The following GRM8 variants were observed in gnomAD, a reference collection of about 807,000 sequenced individuals.
GRM8 encodes metabotropic glutamate receptor 8.
Under a neutral mutation model 87.2 loss-of-function variants are expected in GRM8, and 47 were observed. The ratio of observed to expected loss-of-function variants is 0.54; its 90% CI spans 0.43 to 0.69. The LOEUF is 0.69. Among genes scored for constraint, GRM8 ranks in the 30% least tolerant of loss-of-function variants. GRM8 has a pLI of 0.00. For synonymous variants in GRM8, 396 were observed against 404.5 expected (o/e 0.98, Z 0.25); for missense variants, 1,019 against 1,139.2 (o/e 0.89, Z 1.52).
chr7:126,918,177 G>T (rs558360149), intron 3 of GRM8, among the ~76,000 whole-genome samples: 2 of 152,254 alleles, frequency 1.3e-5, no homozygotes, highest in African/African-American at 4.8e-5. Flanking sequence ...TCTTGCCAGC[G>T]GCCTTGGAAT....
At chr7:126,805,383 C>A (rs988349345) in intron 6 of GRM8, among the ~76,000 whole-genome samples, 8 of 152,226 alleles carry the variant, frequency 5.3e-5, no homozygotes, top group Admixed American at 4.6e-4. Flanking sequence ...GCTTCCGCAT[C>A]CCCCTGCCTG....
At chr7:126,755,899 G>A (rs943472549) in intron 7 of GRM8, among the ~76,000 whole-genome samples, 1 of 151,864 alleles carries the variant, frequency 6.6e-6, no homozygotes, top group African/African-American at 2.4e-5. Context: ...GATTAATCAG[G>A]TGCTCAACAG....
intron 9 of GRM8, among the ~76,000 whole-genome samples, chr7:126,452,545 A>C (rs1190206875): frequency 6.6e-6 from 1 of 151,272 alleles, no homozygotes; most frequent in African/African-American, 2.4e-5. Context: ...TAACTCATGT[A>C]TTTCCAAGAA....
chr7:126,582,995 A>G (rs142148704), intron 8 of GRM8, among the ~76,000 whole-genome samples: 26 of 152,324 alleles, frequency 1.7e-4, no homozygotes, highest in African/African-American at 5.1e-4. Flanking sequence ...ATGCCTGAAT[A>G]TACAACATCC....
At chr7:126,941,904 A>G (rs144999086) in intron 3 of GRM8, among the ~76,000 whole-genome samples, 33 of 152,242 alleles carry the variant, frequency 2.2e-4, no homozygotes, top group African/African-American at 8.0e-4. Flanking sequence ...CCAAATATAT[A>G]GGATAACCAG....
intron 8 of GRM8, among the ~76,000 whole-genome samples, chr7:126,605,125 C>T (rs1294797620): frequency 3.3e-5 from 5 of 152,150 alleles, no homozygotes; most frequent in African/African-American, 9.7e-5. Flanking sequence ...CCCCAGTACA[C>T]GTTCTCCCTG....
chr7:127,048,249 A>G (rs1441401101), intron 3 of GRM8, among the ~76,000 whole-genome samples: 1 of 152,234 alleles, frequency 6.6e-6, no homozygotes, highest in Non-Finnish European at 1.5e-5. Flanking sequence ...CAATGAGAGC[A>G]TGAACCCCCA....
chr7:126,962,867 T>C (rs1282901334), intron 3 of GRM8, among the ~76,000 whole-genome samples: 1 of 152,190 alleles, frequency 6.6e-6, no homozygotes, highest in Admixed American at 6.5e-5. Flanking sequence ...GAAACTAAGT[T>C]TTGTGCTTAG....
At chr7:127,007,435 A>G (rs1814429152) in intron 3 of GRM8, among the ~76,000 whole-genome samples, 1 of 151,998 alleles carries the variant, frequency 6.6e-6, no homozygotes, top group South Asian at 2.1e-4. Context: ...GTTACCCCTT[A>G]GGGAAAAATC....
intron 3 of GRM8, among the ~76,000 whole-genome samples, chr7:127,099,532 C>A (rs931725723): frequency 6.6e-6 from 1 of 152,278 alleles, no homozygotes; most frequent in East Asian, 1.9e-4. Context: ...CCATCACTTA[C>A]CCCAGTCTGG....
chr7:126,476,916 C>A (rs1242471056), intron 9 of GRM8, among the ~76,000 whole-genome samples: 2 of 152,018 alleles, frequency 1.3e-5, no homozygotes, highest in Non-Finnish European at 2.9e-5. Flanking sequence ...AAATCAGTAT[C>A]TCAAGGAGAT....
At chr7:126,906,577 T>C (rs1321606379) in intron 3 of GRM8, among the ~76,000 whole-genome samples, 2 of 152,208 alleles carry the variant, frequency 1.3e-5, no homozygotes, top group Non-Finnish European at 2.9e-5. Flanking sequence ...ATTAGGTTCA[T>C]CAGCAGGAGA....
chr7:126,496,988 C>G (rs1395689208), intron 9 of GRM8, among the ~76,000 whole-genome samples: 1 of 73,768 alleles, frequency 1.4e-5, no homozygotes, highest in Non-Finnish European at 3.1e-5. Context: ...TTTTTTTTTG[C>G]TGCTGCTGTG....
chr7:126,887,369 G>C (rs1330640072), intron 6 of GRM8, among the ~76,000 whole-genome samples: 3 of 152,120 alleles, frequency 2.0e-5, no homozygotes, highest in Admixed American at 2.0e-4. Flanking sequence ...AGCAGTCAAG[G>C]AAAAAGATTT....
intron 2 of GRM8, among the ~76,000 whole-genome samples, chr7:127,121,831 C>A (rs1332363647): frequency 6.6e-6 from 1 of 152,152 alleles, no homozygotes; most frequent in Admixed American, 6.6e-5. Context: ...GATCCACTCA[C>A]CTCCTACCAG....
intron 3 of GRM8, among the ~76,000 whole-genome samples, chr7:126,972,906 T>G (rs188990480): frequency 3.3e-5 from 5 of 152,318 alleles, no homozygotes; most frequent in Admixed American, 6.5e-5. Flanking sequence ...GAACTATAAT[T>G]AAAGCACATT....
chr7:126,719,362 G>A (rs1812117975), intron 7 of GRM8, among the ~76,000 whole-genome samples: 1 of 152,088 alleles, frequency 6.6e-6, no homozygotes, highest in Non-Finnish European at 1.5e-5. Flanking sequence ...TACATTAAGT[G>A]GTCAAAATAA....
At chr7:126,490,800 A>G (rs1423575172) in intron 9 of GRM8, among the ~76,000 whole-genome samples, 2 of 152,116 alleles carry the variant, frequency 1.3e-5, no homozygotes, top group Non-Finnish European at 2.9e-5. Context: ...TATGCAGCTT[A>G]CACTACATTG....
chr7:127,249,401 C>G (rs1292992034), intron 1 of GRM8, among the ~76,000 whole-genome samples: 3 of 152,062 alleles, frequency 2.0e-5, no homozygotes, highest in Admixed American at 2.0e-4. Context: ...CAAAATGATT[C>G]CTAGGAGAGC....
Sources: gnomAD v4.1 joint callset for allele counts (sites outside exome capture counted in the v4.1 genomes callset) on GRCh38, gnomAD v4.1.1 for gene constraint, MANE v1.5 for transcripts, NCBI Gene and HGNC (gene_info 2026-07-23, HGNC 2026-07-21) for gene names.